Variants in CHD9 observed in about 807,000 individuals in gnomAD.
CHD9 encodes the protein chromodomain helicase DNA binding protein 9.
A neutral mutation model predicts 316.1 loss-of-function variants in CHD9; 77 were observed. The ratio of observed to expected loss-of-function variants is 0.24; its 90% CI spans 0.20 to 0.29. The LOEUF is 0.29. Ranked by LOEUF, CHD9 falls within the 10% of genes least tolerant of loss-of-function variation. The probability of loss-of-function intolerance (pLI) is 1.00; values close to 1 mark genes in which losing one functional copy is unlikely to be tolerated. For missense variants in CHD9, 2,763 were observed against 3,438.1 expected, an observed-to-expected ratio of 0.80 and a Z score of 4.91; for synonymous variants, 1,129 against 1,158.3, an observed-to-expected ratio of 0.97 and a Z score of 0.51.
intron 2 of CHD9, among the ~76,000 whole-genome samples, chr16:53,189,804 T>C (rs1015858054): frequency 5.9e-5 from 9 of 152,132 alleles, no homozygotes; most frequent in Non-Finnish European, 1.3e-4. Context: ...TCTTACAGGA[T>C]GATAGCGGAG....
chr16:53,279,064 G>A (rs1288529888), intron 24 of CHD9, among the ~76,000 whole-genome samples: 2 of 152,284 alleles, frequency 1.3e-5, no homozygotes, highest in Admixed American at 6.5e-5. Context: ...GCACACGTAC[G>A]TATATTGCGG....
rs560347966 is a variant in CHD9, at chr16:53,075,893, A to T, written c.-165+20816A>T. ...ACATTCCCACCAGCAGTGCACAAGGATTCCCATTTCTCCACGTCCTCACCA... is the reference window on the plus strand; with the variant it reads ...ACATTCCCACCAGCAGTGCACAAGGTTTCCCATTTCTCCACGTCCTCACCA... On this transcript the variant is annotated intron_variant, in intron 1 of 38. Transcript: ENST00000447540. Among the ~76,000 whole-genome samples the T allele has an allele frequency of 2.6e-5, 4 of 152,210 alleles. No individual in the cohort carries two copies. The South Asian group carries it at 8.3e-4, about 32-fold the overall frequency.
Position 53,296,851 on chromosome 16 carries a change from T to A in CHD9, c.5511-105T>A, listed in dbSNP as rs551160124. The stretch of plus-strand genomic sequence containing the variant: ...AAGCTTGTATTTAATCCTATAGTGT[T>A]AGGTACTTGAAATGTTTTAAGTTTG... On this transcript the variant is annotated intron_variant, in intron 29 of 38. Transcript: ENST00000447540. The A allele has an allele frequency of 7.5e-5, 54 of 717,102 alleles. No individual in the cohort carries two copies. The African/African-American group carries it at 8.4e-4, about 11-fold the overall frequency. The allele number at this position is 717,102 out of a possible 1,614,324, so 44.4% of individuals were successfully genotyped here.
chr16:53,288,184 T>G (rs2054041034), intron 27 of CHD9, among the ~76,000 whole-genome samples, 170 bp downstream of exon 27: 1 of 152,232 alleles, frequency 6.6e-6, no homozygotes, highest in African/African-American at 2.4e-5. Flanking sequence ...AAATAATCAC[T>G]CAGAATTCAC....
At chr16:53,310,473 T>G (rs1661435035) in intron 34 of CHD9, among the ~76,000 whole-genome samples, 1 of 152,164 alleles carries the variant, frequency 6.6e-6, no homozygotes. Context: ...TGCCTGAACA[T>G]TTTATTGCTG....
intron 20 of CHD9, among the ~76,000 whole-genome samples, chr16:53,264,313 C>G (rs2051439598): frequency 6.6e-6 from 1 of 151,854 alleles, no homozygotes; most frequent in Non-Finnish European, 1.5e-5. Context: ...CATACATGTA[C>G]AATGATAATA....
chr16:53,185,535 G>C (rs1231957255), intron 2 of CHD9, among the ~76,000 whole-genome samples: 1 of 152,176 alleles, frequency 6.6e-6, no homozygotes, highest in Non-Finnish European at 1.5e-5. Context: ...CCATTTTCTG[G>C]GGAGAAATTT....
chr16:53,197,379 A>G (rs1032669696), intron 2 of CHD9, among the ~76,000 whole-genome samples: 2 of 152,166 alleles, frequency 1.3e-5, no homozygotes, highest in Non-Finnish European at 2.9e-5. Context: ...TTACTCAACA[A>G]TACACGAACA....
intron 33 of CHD9, 111 bp from the exon 34 acceptor site, chr16:53,308,575 G>A: frequency 1.4e-6 from 1 of 726,480 alleles, no homozygotes; most frequent in Non-Finnish European, 2.4e-6. Context: ...CTTCTTTGAT[G>A]TTTCAGGATT....
chr16:53,179,579 A>G (rs2043336340), intron 2 of CHD9, among the ~76,000 whole-genome samples: 1 of 152,164 alleles, frequency 6.6e-6, no homozygotes, highest in Non-Finnish European at 1.5e-5. Context: ...GTACCCAGTC[A>G]TACTGTTTTG....
intron 1 of CHD9, among the ~76,000 whole-genome samples, chr16:53,056,550 A>G (rs2032145470): frequency 6.6e-6 from 1 of 152,204 alleles, no homozygotes; most frequent in Non-Finnish European, 1.5e-5. Flanking sequence ...CATGTCCCAT[A>G]TTTGAACCCA....
At chr16:53,293,892 G>A (rs1023110774) in intron 29 of CHD9, among the ~76,000 whole-genome samples, 2 of 151,860 alleles carry the variant, frequency 1.3e-5, no homozygotes, top group Admixed American at 1.3e-4. Context: ...AGGTTGCAGT[G>A]AGCCAGTATC....
At chr16:53,113,171 G>A (rs940056767) in intron 1 of CHD9, among the ~76,000 whole-genome samples, 1 of 152,042 alleles carries the variant, frequency 6.6e-6, no homozygotes, top group African/African-American at 2.4e-5. Flanking sequence ...GTGACAGAGC[G>A]AGACCTTGTC....
At chr16:53,301,591 A>G (rs2055421336) in intron 30 of CHD9, among the ~76,000 whole-genome samples, 1 of 152,124 alleles carries the variant, frequency 6.6e-6, no homozygotes, top group African/African-American at 2.4e-5. Flanking sequence ...TTCAAATCTT[A>G]GAAGTAGACT....
intron 3 of CHD9, among the ~76,000 whole-genome samples, chr16:53,214,428 T>C (rs1221276958): frequency 6.6e-6 from 1 of 152,204 alleles, no homozygotes; most frequent in Non-Finnish European, 1.5e-5. Flanking sequence ...GTTAATTGTT[T>C]ATTGGTGTAT....
At chr16:53,154,119 T>G (rs1240163294) in intron 1 of CHD9, among the ~76,000 whole-genome samples, 1 of 152,234 alleles carries the variant, frequency 6.6e-6, no homozygotes, top group Admixed American at 6.5e-5. Context: ...GAATTCATAT[T>G]AATTTAATAT....
At chr16:53,146,415 G>GTGTATATATATATA (rs1224485632) in intron 1 of CHD9, among the ~76,000 whole-genome samples, 19 of 64,450 alleles carry the variant, frequency 2.9e-4, no homozygotes, top group Non-Finnish European at 3.8e-4. Flanking sequence ...GTGTGTGTGT[G>GTGTATATATATATA]TATGTATATA....
chr16:53,249,207 G>GGA (rs2049931014), intron 16 of CHD9, among the ~76,000 whole-genome samples: 1 of 152,074 alleles, frequency 6.6e-6, no homozygotes, highest in Non-Finnish European at 1.5e-5. Flanking sequence ...AGATAACCGC[G>GGA]GAGAGACTGC....
chr16:53,304,482 C>G lies in CHD9; in HGVS notation c.6476C>G (p.Ser2159Cys). The G allele has an allele frequency of 6.4e-7, 1 of 1,557,060 alleles. No individual in the cohort carries two copies. The highest frequency in any genetic ancestry group is 8.7e-7 in the Non-Finnish European group (1 of 1,150,100). ...SSSSSSSCSH[S>C]RSGSSSSSSS... ...TCATCATCCTCTTCTTGCTCCCACT[C>G]TCGATCAGGCTCTAGTTCTTCTTCA... is the stretch of plus-strand genomic sequence containing the variant. The change falls in exon 31 of 39, where the codon TCT becomes TGT. Residue 2159 changes from serine (S) to cysteine (C), a missense_variant. Physicochemically the swap from Ser to Cys is moderately radical, Grantham distance 112. This residue lies in a region of CHD9 where 663 missense variants were observed against 751.2 expected (regional missense o/e 0.88). Transcript: ENST00000447540.
Sources: gnomAD v4.1 joint callset for allele counts (sites outside exome capture counted in the v4.1 genomes callset) on GRCh38, gnomAD v4.1.1 for gene constraint, gnomAD v4.1.1 regional missense constraint, MANE v1.5 for transcripts, NCBI Gene and HGNC (gene_info 2026-07-23, HGNC 2026-07-21) for gene names.